Variants in NTN1 observed in about 807,000 individuals in gnomAD.
NTN1 encodes netrin 1.
A neutral mutation model predicts 54.2 loss-of-function variants in NTN1; 11 were observed. The observed-to-expected ratio is 0.20, with a 90% CI of 0.13 to 0.34. NTN1 has a LOEUF of 0.34. NTN1 is among the 10% of genes least tolerant of loss of function. The pLI is 1.00. For synonymous variants in NTN1, 371 were observed against 382.0 expected, an observed-to-expected ratio of 0.97 and a Z score of 0.33; for missense variants, 740 against 893.1, an observed-to-expected ratio of 0.83 and a Z score of 2.18.
At chr17:9,025,460 A>G (rs1597461758) in intron 2 of NTN1, among the ~76,000 whole-genome samples, 4 of 152,242 alleles carry the variant, frequency 2.6e-5, no homozygotes. Flanking sequence ...TACATAATCT[A>G]CATGACAAAT....
chr17:9,179,678 G>T (rs2092412305), intron 3 of NTN1, 129 bp from the exon 4 acceptor site: 10 of 1,190,770 alleles, frequency 8.4e-6, no homozygotes, highest in Non-Finnish European at 1.0e-5. Flanking sequence ...GCTTGGCTGG[G>T]CCTGCTCCCC....
chr17:9,162,461 G>A (rs2092359644), intron 2 of NTN1, among the ~76,000 whole-genome samples: 1 of 152,086 alleles, frequency 6.6e-6, no homozygotes, highest in African/African-American at 2.4e-5. Flanking sequence ...GTCTCTCTGT[G>A]TCCTCATCTC....
At chr17:9,056,171 C>T (rs1429114110) in intron 2 of NTN1, among the ~76,000 whole-genome samples, 4 of 152,240 alleles carry the variant, frequency 2.6e-5, no homozygotes, top group African/African-American at 7.2e-5. Context: ...ATTCTCCTGC[C>T]TCAGCCTCCC....
intron 6 of NTN1, among the ~76,000 whole-genome samples, chr17:9,230,353 CCAGCAGCACGTGGCATGGTGTTTCGGAG>C (rs1905763551): frequency 6.6e-6 from 1 of 152,142 alleles, no homozygotes; most frequent in South Asian, 2.1e-4. Context: ...CGCAGACCAG[CCAGCAGCACGTGGCATGGTGTTTCGGAG>C]ACTTGCTGAC....
chr17:9,096,140 G>A (rs1290971590), intron 2 of NTN1, among the ~76,000 whole-genome samples: 1 of 151,900 alleles, frequency 6.6e-6, no homozygotes, highest in Non-Finnish European at 1.5e-5. Flanking sequence ...ACTTTGATAT[G>A]TCCATCAGGT....
At chr17:9,158,270 C>T (rs566841779) in intron 2 of NTN1, among the ~76,000 whole-genome samples, 2 of 152,182 alleles carry the variant, frequency 1.3e-5, no homozygotes, top group Non-Finnish European at 2.9e-5. Flanking sequence ...TGGAAGAGAG[C>T]TACCAGCCCC....
At chr17:9,037,478 A>G (rs894868778) in intron 2 of NTN1, among the ~76,000 whole-genome samples, 1 of 152,190 alleles carries the variant, frequency 6.6e-6, no homozygotes, top group Non-Finnish European at 1.5e-5. Flanking sequence ...GCCCCTATCC[A>G]TATGATTTTG....
intron 5 of NTN1, among the ~76,000 whole-genome samples, chr17:9,193,765 A>G (rs1904532991): frequency 6.6e-6 from 1 of 151,498 alleles, no homozygotes; most frequent in Non-Finnish European, 1.5e-5. Context: ...TCTAGTAAAA[A>G]TACAAAATTA....
At chr17:9,021,730 C>G (rs924606791) in intron 1 of NTN1, 145 bp downstream of exon 1, 1 of 152,082 alleles carries the variant, frequency 6.6e-6, no homozygotes, top group African/African-American at 2.4e-5. Context: ...CAGCGGCGGC[C>G]GCGCCGGGCA....
intron 2 of NTN1, among the ~76,000 whole-genome samples, chr17:9,069,094 C>CT (rs1362658154): frequency 6.6e-6 from 1 of 152,060 alleles, no homozygotes; most frequent in Admixed American, 6.5e-5. Context: ...TGCCTCCTAG[C>CT]CTGGCTTCCT....
rs574544231 is a variant in NTN1, at chr17:9,216,497, A to AATACCTAAAGTATTCACCGTT, written c.1412-4671_1412-4670insATACCTAAAGTATTCACCGTT. ...GATGAATAGTTGTGACAGCAACTTT[A>AATACCTAAAGTATTCACCGTT]TGGTCCCCTATGCCTAAAGTATTCA... On this transcript the variant is annotated intron_variant, in intron 5 of 6. Coordinates refer to ENST00000173229, the MANE Select transcript of NTN1 (RefSeq NM_004822.3). Among the ~76,000 whole-genome samples the AATACCTAAAGTATTCACCGTT allele has an allele frequency of 3.7e-4, 57 of 152,334 alleles. No individual in the cohort carries two copies. In the South Asian group the frequency reaches 0.011, roughly 30 times the overall value.
At chr17:9,095,680 G>A (rs1436209334) in intron 2 of NTN1, among the ~76,000 whole-genome samples, 1 of 152,196 alleles carries the variant, frequency 6.6e-6, no homozygotes, top group African/African-American at 2.4e-5. Flanking sequence ...TTTGTTTCCA[G>A]ATGAACTTTA....
intron 2 of NTN1, among the ~76,000 whole-genome samples, chr17:9,048,699 C>T (rs191297998): frequency 1.3e-5 from 2 of 152,028 alleles, no homozygotes; most frequent in Non-Finnish European, 1.5e-5. Context: ...CTCTGTCACC[C>T]AGGCTGGAGT....
chr17:9,131,826 C>T (rs180673646), intron 2 of NTN1, among the ~76,000 whole-genome samples: 26 of 150,510 alleles, frequency 1.7e-4, no homozygotes, highest in East Asian at 5.9e-4. Flanking sequence ...ATTTTTAAGA[C>T]GGAGTCTTGC....
intron 2 of NTN1, among the ~76,000 whole-genome samples, chr17:9,039,069 A>C (rs977971247): frequency 2.0e-5 from 3 of 152,184 alleles, no homozygotes; most frequent in Admixed American, 2.0e-4. Flanking sequence ...GTATTATATA[A>C]ACTTGGATCT....
intron 5 of NTN1, among the ~76,000 whole-genome samples, chr17:9,198,773 C>A (rs1279389312): frequency 6.6e-6 from 1 of 152,166 alleles, no homozygotes; most frequent in Non-Finnish European, 1.5e-5. Context: ...GCTGTGGATC[C>A]TACAGATCCC....
chr17:9,063,450 G>A (rs763616465), intron 2 of NTN1, among the ~76,000 whole-genome samples: 1 of 152,000 alleles, frequency 6.6e-6, no homozygotes, highest in African/African-American at 2.4e-5. Context: ...GCACAAAATG[G>A]TGTTTCTCCA....
rs1474823377 is a variant in NTN1, at chr17:9,030,618, G to T, written c.1018+7227G>T. 2.0e-5 allele frequency among the ~76,000 whole-genome samples: 3 copies of T among 152,122 alleles called. No homozygotes were observed. The East Asian group carries it at 5.8e-4, about 29-fold the overall frequency. ...AAATTAGTCAGGCGTGGTGGCACGT[G>T]CCTGTAATCCCAGCTACTTGGGAGG... is the stretch of plus-strand genomic sequence containing the variant. On this transcript the variant is annotated intron_variant, in intron 2 of 6. Coordinates refer to ENST00000173229, the MANE Select transcript of NTN1 (RefSeq NM_004822.3).
In NTN1 at chr17:9,022,970, G is replaced by C; in HGVS notation, c.597G>C (p.Gln199His). ...CGCCCATCACCAAGCAGAACGAGCA[G>C]GAGGCCGTGTGCACCGACTCGCACA... ...HRAPITKQNE[Q>H]EAVCTDSHTD... The change falls in exon 2 of 7, where the codon CAG (glutamine) becomes CAC (histidine). Residue 199 changes from glutamine (Q) to histidine (H), a missense_variant. Coordinates refer to ENST00000173229, the MANE Select transcript of NTN1 (RefSeq NM_004822.3). 6.2e-7 allele frequency: 1 copy of C among 1,611,090 alleles called. No individual in the cohort carries two copies. Among genetic ancestry groups the C allele is most frequent in the African/African-American group, 1.3e-5 (1 of 74,950 alleles).
Sources: allele counts gnomAD v4.1 joint callset (sites outside exome capture counted in the v4.1 genomes callset), GRCh38; gene constraint gnomAD v4.1.1; transcripts MANE v1.5; gene names NCBI Gene and HGNC (gene_info 2026-07-23, HGNC 2026-07-21).